TWIST2: variants seen among roughly 807,000 people sequenced by gnomAD.
TWIST2 encodes the protein twist family bHLH transcription factor 2.
A neutral mutation model predicts 11.6 loss-of-function variants in TWIST2; 1 was observed. The observed-to-expected ratio is 0.09, with a 90% CI of 0.03 to 0.41. The LOEUF (loss-of-function observed/expected upper bound fraction) is 0.41. TWIST2 is among the 10% of genes least tolerant of loss of function. The pLI, the probability that TWIST2 is intolerant of heterozygous loss-of-function variation, is 0.98. For missense variants in TWIST2, 168 were observed against 226.4 expected, an observed-to-expected ratio of 0.74 and a Z score of 1.66; for synonymous variants, 87 against 96.6, an observed-to-expected ratio of 0.90 and a Z score of 0.58.
chr2:238,860,070 C>T (rs576163399), intron 1 of TWIST2, among the ~76,000 whole-genome samples: 23 of 152,330 alleles, frequency 1.5e-4, no homozygotes, highest in African/African-American at 5.1e-4. Context: ...CATGAGTGCA[C>T]ACCTCTCGCC....
At chr2:238,907,654 G>A (rs1158900471) in intron 1 of TWIST2, among the ~76,000 whole-genome samples, 4 of 151,866 alleles carry the variant, frequency 2.6e-5, no homozygotes, top group Middle Eastern at 3.4e-3. Context: ...GAAACAACAC[G>A]CATGATGAAA....
At chr2:238,860,825 C>G (rs1020252101) in intron 1 of TWIST2, among the ~76,000 whole-genome samples, 1 of 152,196 alleles carries the variant, frequency 6.6e-6, no homozygotes, top group Non-Finnish European at 1.5e-5. Context: ...GTAATCCCAG[C>G]TACTCGGGAG....
chr2:238,870,119 ACC>A (rs1273512193), intron 1 of TWIST2, among the ~76,000 whole-genome samples: 1 of 89,976 alleles, frequency 1.1e-5, no homozygotes, highest in Non-Finnish European at 2.2e-5. Context: ...CACACCATAC[ACC>A]CCCCACACAC....
At chr2:238,904,506 G>C in intron 1 of TWIST2, among the ~76,000 whole-genome samples, 1 of 151,452 alleles carries the variant, frequency 6.6e-6, no homozygotes. Context: ...TGTCTGACTA[G>C]AGATTTCACA....
At chr2:238,861,022 C>T (rs1692424949) in intron 1 of TWIST2, among the ~76,000 whole-genome samples, 1 of 152,202 alleles carries the variant, frequency 6.6e-6, no homozygotes, top group African/African-American at 2.4e-5. Context: ...AAGAGGAAGC[C>T]ACCAGGGAGG....
chr2:238,870,765 A>C (rs1349046041), intron 1 of TWIST2, among the ~76,000 whole-genome samples: 2 of 23,884 alleles, frequency 8.4e-5, no homozygotes, highest in East Asian at 7.5e-4. Flanking sequence ...ACCACACCCC[A>C]CACACACAGT....
At chr2:238,891,116 G>A (rs772003906) in intron 1 of TWIST2, among the ~76,000 whole-genome samples, 3 of 152,202 alleles carry the variant, frequency 2.0e-5, no homozygotes, top group Non-Finnish European at 4.4e-5. Flanking sequence ...CATGACATTC[G>A]CAGTCTGATC....
intron 1 of TWIST2, among the ~76,000 whole-genome samples, chr2:238,871,619 T>C (rs1574756206): frequency 1.5e-5 from 1 of 66,014 alleles, no homozygotes; most frequent in Non-Finnish European, 2.8e-5. Flanking sequence ...CTCACACACA[T>C]CACACCCACC....
rs1692500391 is a variant in TWIST2 at position 238,864,661 on chromosome 2, G to T, written c.*35+15928G>T. Reference sequence around the variant, plus strand: ...TGGTACCCTCCGAGGTGCGGGAGAAGAGGAGGTGGGAGGGTGCGGGGCCGT... The same window carrying T: ...TGGTACCCTCCGAGGTGCGGGAGAATAGGAGGTGGGAGGGTGCGGGGCCGT... On this transcript the variant is annotated intron_variant, in intron 1 of 1. Transcript: ENST00000612363. The surrounding 1 kb of genome is among the most constrained non-coding windows in gnomAD (Gnocchi z 4.7). 6.6e-6 allele frequency among the ~76,000 whole-genome samples: 1 copy of T among 152,210 alleles called. No individual in the cohort carries two copies. Among genetic ancestry groups the T allele is most frequent in the Non-Finnish European group, 1.5e-5 (1 of 68,024 alleles).
At chr2:238,870,132 ACACCACACCCCATACACACCACACC>A (rs1395527211) in intron 1 of TWIST2, among the ~76,000 whole-genome samples, 25 of 107,662 alleles carry the variant, frequency 2.3e-4, no homozygotes, top group African/African-American at 8.6e-4. Context: ...CCCCACACAC[ACACCACACCCCATACACACCACACC>A]CCACACACAC....
chr2:238,853,866 A>T (rs1692286640), intron 1 of TWIST2, among the ~76,000 whole-genome samples: 1 of 152,244 alleles, frequency 6.6e-6, no homozygotes, highest in African/African-American at 2.4e-5. Flanking sequence ...TTCATCCTCA[A>T]CTGTGGTGTG....
intron 1 of TWIST2, among the ~76,000 whole-genome samples, chr2:238,891,509 G>A (rs1436062512): frequency 1.3e-5 from 2 of 152,212 alleles, no homozygotes; most frequent in African/African-American, 4.8e-5. Flanking sequence ...GGGCTCCCAG[G>A]TGTCTGTGTT....
Position 238,848,182 on chromosome 2 carries a change from G to A in TWIST2, c.-34G>A. 3.3e-6 allele frequency: 4 copies of A among 1,220,694 alleles called. No individual in the cohort carries two copies. The highest frequency in any genetic ancestry group is 3.3e-5 in the East Asian group (1 of 30,582). The allele number at this position is 1,220,694 out of a possible 1,614,324, so 75.6% of individuals were successfully genotyped here. A position where few individuals can be genotyped will look rare whatever the true frequency, so the allele number is the denominator to read the frequency against. ...CCAGCGGCGCGCGCTCGGCGCCCCG[G>A]CGCCCCCAGCCCCACGCGCGCCGGG... On this transcript the variant is annotated 5_prime_UTR_variant, in exon 1 of 2. Transcript: ENST00000612363.
chr2:238,857,292 A>G (rs143096447), intron 1 of TWIST2, among the ~76,000 whole-genome samples: 140,072 of 152,272 alleles, frequency 0.92, 64,583 homozygotes, highest in African/African-American at 0.98. Context: ...CTTGGAGCCC[A>G]TCTTCGCTAA....
chr2:238,875,175 T>G (rs1692781893), intron 1 of TWIST2, among the ~76,000 whole-genome samples: 1 of 152,118 alleles, frequency 6.6e-6, no homozygotes, highest in Non-Finnish European at 1.5e-5. Context: ...GGGCAAGCCC[T>G]GGCTGAAGAG....
At chr2:238,897,085 G>A (rs1175304110) in intron 1 of TWIST2, among the ~76,000 whole-genome samples, 1 of 152,202 alleles carries the variant, frequency 6.6e-6, no homozygotes, top group Non-Finnish European at 1.5e-5. Flanking sequence ...AGAGAACAGA[G>A]CCTGCTTTCC....
rs1692544334 is a variant in TWIST2 at position 238,866,746 on chromosome 2, C to A, written c.*35+18013C>A. 1.3e-5 allele frequency among the ~76,000 whole-genome samples: 2 copies of A among 152,190 alleles called. No homozygotes were observed. The highest frequency in any genetic ancestry group is 4.8e-5 in the African/African-American group (2 of 41,450). Reference sequence around the variant, plus strand: ...GGAATCTCCCTTGTGCCCGACAGGACTACCTCCAGTGTCCCCTCCTTGGGG... The same window carrying A: ...GGAATCTCCCTTGTGCCCGACAGGAATACCTCCAGTGTCCCCTCCTTGGGG... On this transcript the variant is annotated intron_variant, in intron 1 of 1. Transcript: ENST00000612363. This position sits in a 1 kb window ranked among gnomAD's most constrained non-coding sequence, Gnocchi z 4.9.
At chr2:238,902,415 T>C in intron 1 of TWIST2, among the ~76,000 whole-genome samples, 1 of 151,342 alleles carries the variant, frequency 6.6e-6, no homozygotes, top group East Asian at 1.9e-4. Context: ...TCAGGGTGTG[T>C]GTGTGATGTG....
intron 1 of TWIST2, among the ~76,000 whole-genome samples, chr2:238,855,078 C>G (rs548575037): frequency 1.3e-5 from 2 of 152,178 alleles, no homozygotes; most frequent in Non-Finnish European, 2.9e-5. Flanking sequence ...TTTAGCTCGG[C>G]GGAAGAGTGC....
Sources: gnomAD v4.1 joint callset for allele counts (sites outside exome capture counted in the v4.1 genomes callset) on GRCh38, gnomAD v4.1.1 for gene constraint, Gnocchi (gnomAD v3.1) non-coding constraint, MANE v1.5 for transcripts, NCBI Gene and HGNC (gene_info 2026-07-23, HGNC 2026-07-21) for gene names.